The following EIF3B variants were observed in gnomAD, a reference collection of about 807,000 sequenced individuals.
The protein encoded by EIF3B is eukaryotic translation initiation factor 3 subunit B.
EIF3B carries 10 observed loss-of-function variants against 104.6 expected under a neutral mutation model. That is an observed-to-expected ratio of 0.10 (90% CI 0.06 to 0.16). The LOEUF (loss-of-function observed/expected upper bound fraction) is 0.16. Ranked by LOEUF, EIF3B falls within the 10% of genes least tolerant of loss-of-function variation. The pLI is 1.00. For missense variants in EIF3B, 1,014 were observed against 1,087.9 expected (o/e 0.93, Z 0.96); for synonymous variants, 542 against 417.2 (o/e 1.30, Z -3.65).
intron 10 of EIF3B, among the ~76,000 whole-genome samples, chr7:2,370,830 C>T (rs936805281): frequency 4.6e-5 from 7 of 152,098 alleles, no homozygotes; most frequent in Admixed American, 4.6e-4. Context: ...AATCCCAGCA[C>T]TTTGGGAGGC....
chr7:2,366,921 C>A (rs988444479), intron 8 of EIF3B, 78 bp from the exon 9 acceptor site: 2 of 1,479,434 alleles, frequency 1.4e-6, no homozygotes, highest in East Asian at 2.3e-5. Flanking sequence ...CTCTTGTTTC[C>A]TTTTGTAAAA....
At chr7:2,362,593 A>T in intron 2 of EIF3B, 52 bp from the exon 3 acceptor site, 1 of 1,609,940 alleles carries the variant, frequency 6.2e-7, no homozygotes, top group Admixed American at 1.7e-5. Context: ...GACAGCGCAT[A>T]CCTGCCTAGC....
intron 11 of EIF3B, 46 bp downstream of exon 11, chr7:2,371,895 T>C: frequency 6.7e-7 from 1 of 1,482,028 alleles, no homozygotes; most frequent in East Asian, 2.3e-5. Flanking sequence ...GCCTACGTGC[T>C]GTTTTACTCT....
rs1008651554 is a variant in EIF3B at position 2,355,201 on chromosome 7, G to A, written c.280G>A (p.Gly94Arg). 12 of 1,486,938 alleles carry A rather than the reference G, an allele frequency of 8.1e-6. No individual in the cohort carries two copies. In the Admixed American group the frequency reaches 2.3e-4, roughly 28 times the overall value. The allele number at this position is 1,486,938 out of a possible 1,614,324, so 92.1% of individuals were successfully genotyped here. The stretch of plus-strand genomic sequence containing the variant: ...GCCGCCGGCCGCCGAGGAGCTGCCC[G>A]GGTCGCATGCTGAGCCCCCTGTCCC... ...PSPPAAEELP[G>R]SHAEPPVPAQ... Residue 94 changes from glycine (G) to arginine (R), a missense_variant, in exon 1 of 19, where the codon GGG becomes AGG. Coordinates refer to ENST00000360876, the MANE Select transcript of EIF3B (RefSeq NM_001037283.2).
rs1050771180 is a variant in EIF3B, at chr7:2,380,202, A to G, written c.*15-2A>G. ...TTAGGGCCGCCATGCCTGTCTATCC[A>G]GGGGACGGACTCCGCCTGCTGTTCC... is the stretch of plus-strand genomic sequence containing the variant. On this transcript the variant is annotated splice_acceptor_variant, in intron 18 of 18. Coordinates refer to ENST00000360876, the MANE Select transcript of EIF3B (RefSeq NM_001037283.2). LOFTEE classifies it low-confidence loss of function (3UTR_SPLICE). The G allele has an allele frequency of 1.1e-5, 4 of 357,138 alleles. No individual in the cohort carries two copies. Among genetic ancestry groups the G allele is most frequent in the East Asian group, 8.6e-5 (1 of 11,690 alleles). The allele number at this position is 357,138 out of a possible 1,614,324, so 22.1% of individuals were successfully genotyped here.
chr7:2,378,829 C>T, intron 16 of EIF3B, 63 bp downstream of exon 16: 2 of 1,390,032 alleles, frequency 1.4e-6, no homozygotes, highest in Non-Finnish European at 2.0e-6. Flanking sequence ...AAAGGCGGGG[C>T]TGCGGGGAGC....
chr7:2,375,577 C>T (rs1348266397), intron 14 of EIF3B, 50 bp downstream of exon 14: 8 of 1,610,716 alleles, frequency 5.0e-6, no homozygotes, highest in Non-Finnish European at 6.8e-6. Flanking sequence ...GCAGGGAGTG[C>T]TGGCTAGCTG....
intron 12 of EIF3B, chr7:2,373,757 T>C (rs1249383612): frequency 6.6e-6 from 1 of 152,352 alleles, no homozygotes; most frequent in African/African-American, 2.4e-5. Flanking sequence ...CCAAACATGC[T>C]GCGTGACACG....
At chr7:2,365,085 G>A (rs960579187) in intron 6 of EIF3B, among the ~76,000 whole-genome samples, 23 of 152,190 alleles carry the variant, frequency 1.5e-4, no homozygotes, top group Non-Finnish European at 3.2e-4. Context: ...CCTGAGTAGC[G>A]GGGACCGCAG....
chr7:2,361,709 G>A (rs1236585773), intron 2 of EIF3B, among the ~76,000 whole-genome samples: 13 of 152,000 alleles, frequency 8.6e-5, no homozygotes, highest in Admixed American at 7.9e-4. Flanking sequence ...CTGAGCCACC[G>A]CGCCCGGCCT....
In EIF3B at chr7:2,380,544, C is replaced by T; in HGVS notation, c.*355C>T. 2.5e-6 allele frequency: 1 copy of T among 399,684 alleles called. No homozygotes were observed. The allele number at this position is 399,684 out of a possible 1,614,324, so 24.8% of individuals were successfully genotyped here. A position where few individuals can be genotyped will look rare whatever the true frequency, so the allele number is the denominator to read the frequency against. ...GCCACTGGCGGCACCTTCTCCTGCG[C>T]CCAGTGATGTTTCCACGGTGCCTGT... is the stretch of plus-strand genomic sequence containing the variant. On this transcript the variant is annotated 3_prime_UTR_variant, in exon 19 of 19. Transcript: ENST00000360876.
At position 2,379,529 on chromosome 7, in the gene EIF3B, G is replaced by T. The variant is rs755907098; in HGVS notation, c.*14+18G>T. 7 of 1,479,764 alleles carry T rather than the reference G, an allele frequency of 4.7e-6. No homozygotes were observed. In the Admixed American group the frequency reaches 7.8e-5, roughly 17 times the overall value. The allele number at this position is 1,479,764 out of a possible 1,614,324, so 91.7% of individuals were successfully genotyped here. ...GCACTGTGGTGAGCGTCTGCAGGGG[G>T]CGCGATGGGGGTCCTGTTGGCTGCT... On this transcript the variant is annotated intron_variant, in intron 18 of 18. Transcript: ENST00000360876.
rs2115342825 is a variant in EIF3B at position 2,378,456 on chromosome 7, GTT to G, written c.2155-232_2155-231del. The G allele has an allele frequency of 1.7e-4, 36 of 214,734 alleles. 1 individual carries two copies. Among genetic ancestry groups the G allele is most frequent in the Middle Eastern group, 6.6e-4 (1 of 1,526 alleles). The allele number at this position is 214,734 out of a possible 1,614,324, so 13.3% of individuals were successfully genotyped here. A position where few individuals can be genotyped will look rare whatever the true frequency, so the allele number is the denominator to read the frequency against. ...GGCGCGAGCGCTCCTGGGAAGCTGT[GTT>G]GTGTGAATGACCCTGGGTGTCATGG... is the stretch of plus-strand genomic sequence containing the variant. On this transcript the variant is annotated intron_variant, in intron 15 of 18. Coordinates refer to ENST00000360876, the MANE Select transcript of EIF3B (RefSeq NM_001037283.2).
chr7:2,367,167 C>T lies in EIF3B; in HGVS notation c.1403+122C>T, dbSNP rs547116248. The T allele has an allele frequency of 7.1e-6, 7 of 985,446 alleles. No individual in the cohort carries two copies. In the East Asian group the frequency reaches 1.5e-4, roughly 21 times the overall value. 61.0% of individuals were successfully genotyped at this position (985,446 alleles called of 1,614,324 possible). A position where few individuals can be genotyped will look rare whatever the true frequency, so the allele number is the denominator to read the frequency against. On this transcript the variant is annotated intron_variant, in intron 9 of 18. Coordinates refer to ENST00000360876, the MANE Select transcript of EIF3B (RefSeq NM_001037283.2). ...CTTATGACAGCTGAGATTTCTTTCT[C>T]CCAGTTCTGGAGCTTGGGAGCTTGA...
In EIF3B at chr7:2,375,483, A is replaced by G; in HGVS notation, c.1984A>G (p.Thr662Ala). 1.2e-6 allele frequency: 2 copies of G among 1,614,042 alleles called. No homozygotes were observed. The highest frequency in any genetic ancestry group is 1.7e-6 in the Non-Finnish European group (2 of 1,179,966). The change falls in exon 14 of 19, where the codon ACT (threonine) becomes GCT (alanine). Residue 662 changes from threonine to alanine, a missense_variant. This residue lies in a region of EIF3B where 266 missense variants were observed against 324.0 expected (regional missense o/e 0.82). Transcript: ENST00000360876. ...GGCTTCCGACGTCGAATGGGATCCT[A>G]CTGGGCGCTACGTCGTCACCTCTGT... is the stretch of plus-strand genomic sequence containing the variant. ...YMASDVEWDPTGRYVVTSVSW... is the reference protein window; with the variant it reads ...YMASDVEWDPAGRYVVTSVSW...
chr7:2,379,220 C>T lies in EIF3B; in HGVS notation c.2319C>T (p.Asn773=), dbSNP rs756242706. 9.2e-5 allele frequency: 148 copies of T among 1,613,028 alleles called. No homozygotes were observed. The highest frequency in any genetic ancestry group is 1.0e-4 in the Non-Finnish European group (118 of 1,179,606). Reference sequence around the variant, plus strand: ...AGGAGCTCTATATGGAGCAGAAAAACGAGCGCCTGGAGTTGCGAGGAGGTA... The same window carrying T: ...AGGAGCTCTATATGGAGCAGAAAAATGAGCGCCTGGAGTTGCGAGGAGGTA... ...MAQELYMEQK[N]ERLELRGGVD... is the part of the protein sequence containing the mutation. Residue 773 remains asparagine (N), a synonymous_variant, in exon 17 of 19, where the codon AAC becomes AAT. Coordinates refer to ENST00000360876, the MANE Select transcript of EIF3B (RefSeq NM_001037283.2).
rs1306255975 is a variant in EIF3B at position 2,380,436 on chromosome 7, G to T, written c.*247G>T. Reference sequence around the variant, plus strand: ...TCAGCCCCTGGTGTCTGCAGTGGGGGATTTAAGGCACCCGCTTCCACTTCT... The same window carrying T: ...TCAGCCCCTGGTGTCTGCAGTGGGGTATTTAAGGCACCCGCTTCCACTTCT... On this transcript the variant is annotated 3_prime_UTR_variant, in exon 19 of 19. Coordinates refer to ENST00000360876, the MANE Select transcript of EIF3B (RefSeq NM_001037283.2). The T allele has an allele frequency of 1.9e-6, 1 of 515,078 alleles. No homozygotes were observed. The highest frequency in any genetic ancestry group is 5.5e-5 in the East Asian group (1 of 18,308). 31.9% of individuals were successfully genotyped at this position (515,078 alleles called of 1,614,324 possible).
intron 9 of EIF3B, 53 bp from the exon 10 acceptor site, chr7:2,369,419 A>G: frequency 6.4e-7 from 1 of 1,570,976 alleles, no homozygotes; most frequent in Non-Finnish European, 8.7e-7. Flanking sequence ...TCTGCTTTTC[A>G]GTTTCGTCAT....
rs764248115 is a variant in EIF3B, at chr7:2,362,749, T to G, written c.797T>G (p.Phe266Cys). 29 of 1,614,098 alleles carry G rather than the reference T, an allele frequency of 1.8e-5. No homozygotes were observed. Among genetic ancestry groups the G allele is most frequent in the Non-Finnish European group, 2.3e-5 (27 of 1,180,022 alleles). Residue 266 changes from phenylalanine (F) to cysteine (C), a missense_variant, in exon 3 of 19, where the codon TTT (phenylalanine) becomes TGT (cysteine). Around this residue, in one of 4 missense-constraint regions of EIF3B, gnomAD observed 488 missense variants for 404.3 expected, o/e 1.21. Coordinates refer to ENST00000360876, the MANE Select transcript of EIF3B (RefSeq NM_001037283.2). ...CAGCACACATTCCGGGTCAACCTCT[T>G]TACGGATTTTGACAAGTGAGTTCAG... is the stretch of plus-strand genomic sequence containing the variant. Reference protein sequence around the residue: ...DKQHTFRVNLFTDFDKYMTIS... With the variant: ...DKQHTFRVNLCTDFDKYMTIS...
Sources: gnomAD v4.1 joint callset for allele counts (sites outside exome capture counted in the v4.1 genomes callset) on GRCh38, gnomAD v4.1.1 for gene constraint, gnomAD v4.1.1 regional missense constraint, MANE v1.5 for transcripts, NCBI Gene and HGNC (gene_info 2026-07-23, HGNC 2026-07-21) for gene names.